The following TRIM58 variants were observed in gnomAD, a reference collection of about 807,000 sequenced individuals.
TRIM58 encodes the protein E3 ubiquitin-protein ligase TRIM58.
Under a neutral mutation model 34.1 loss-of-function variants are expected in TRIM58, and 38 were observed. That is an observed-to-expected ratio of 1.12 (90% CI 0.86 to 1.46). The LOEUF (loss-of-function observed/expected upper bound fraction) is 1.46, where lower values mean the gene tolerates loss of function less well. Among genes scored for constraint, TRIM58 ranks in the 40% most tolerant of loss-of-function variants. TRIM58 has a pLI of 0.00. For synonymous variants in TRIM58, 273 were observed against 275.7 expected (o/e 0.99, Z 0.10); for missense variants, 677 against 642.0 (o/e 1.05, Z -0.59).
At chr1:247,862,458 CAAG>C (rs1196137883) in intron 2 of TRIM58, among the ~76,000 whole-genome samples, 1 of 152,050 alleles carries the variant, frequency 6.6e-6, no homozygotes, top group East Asian at 1.9e-4. Context: ...ATAAAAAGAA[CAAG>C]AACAAAGCTT....
intron 3 of TRIM58, among the ~76,000 whole-genome samples, chr1:247,866,201 C>T (rs1261291553): frequency 6.6e-6 from 1 of 151,914 alleles, no homozygotes; most frequent in East Asian, 1.9e-4. Flanking sequence ...GACAGAGTCT[C>T]GCTCTGTTGC....
rs1659338607 is a variant in TRIM58 at position 247,878,409 on chromosome 1, T to C, written c.*1920T>C. Among the ~76,000 whole-genome samples, 1 of 152,234 alleles carries C rather than the reference T, an allele frequency of 6.6e-6. No individual in the cohort carries two copies. Among genetic ancestry groups the C allele is most frequent in the African/African-American group, 2.4e-5 (1 of 41,460 alleles). On this transcript the variant is annotated 3_prime_UTR_variant, in exon 6 of 6. Transcript: ENST00000366481. ...TTAACTTACCTTCCAATCATATTAC[T>C]AACGTAGCCTTCTTCCTAGATTTTT... is the stretch of plus-strand genomic sequence containing the variant.
rs1441729811 is a variant in TRIM58, at chr1:247,879,688, G to C, written c.*3199G>C. Reference sequence around the variant, plus strand: ...TCCAGCTGCCCTGGCCTCATGGCTGGGTTTCCACCAAAGCAGGCACTTCCC... The same window carrying C: ...TCCAGCTGCCCTGGCCTCATGGCTGCGTTTCCACCAAAGCAGGCACTTCCC... On this transcript the variant is annotated 3_prime_UTR_variant, in exon 6 of 6. Transcript: ENST00000366481. 6.6e-6 allele frequency among the ~76,000 whole-genome samples: 1 copy of C among 151,416 alleles called. No individual in the cohort carries two copies. Among genetic ancestry groups the C allele is most frequent in the Non-Finnish European group, 1.5e-5 (1 of 67,962 alleles).
chr1:247,860,788 C>A, intron 2 of TRIM58, 76 bp downstream of exon 2: 1 of 1,144,918 alleles, frequency 8.7e-7, no homozygotes, highest in Non-Finnish European at 1.3e-6. Flanking sequence ...CTTCTACCAT[C>A]TTCCATTCTC....
At position 247,857,587 on chromosome 1, in the gene TRIM58, T is replaced by C. The variant is rs765903580; in HGVS notation, c.341T>C (p.Leu114Pro). The change falls in exon 1 of 6, where the codon CTG (leucine) becomes CCG (proline). Residue 114 changes from leucine (L) to proline (P), a missense_variant. Physicochemically the swap from Leu to Pro is moderately conservative, Grantham distance 98 (BLOSUM62 -3). Transcript: ENST00000366481. ...TTCTGCGAGGAGGACGAGGCGGCGC[T>C]GTGCTGGGTGTGCGACGCCGGCCCC... ...SRFCEEDEAALCWVCDAGPEH... is the reference protein window; with the variant it reads ...SRFCEEDEAAPCWVCDAGPEH... 1.7e-5 allele frequency: 22 copies of C among 1,259,216 alleles called. No homozygotes were observed. Among genetic ancestry groups the C allele is most frequent in the Admixed American group, 1.3e-4 (3 of 23,972 alleles). 78.0% of individuals were successfully genotyped at this position (1,259,216 alleles called of 1,614,324 possible).
chr1:247,876,180 G>A lies in TRIM58; in HGVS notation c.1152G>A (p.Leu384=). The change falls in exon 6 of 6, where the codon CTG becomes CTA. Residue 384 remains leucine, a synonymous_variant. Coordinates refer to ENST00000366481, the MANE Select transcript of TRIM58 (RefSeq NM_015431.4). ...TPSPENGVWA[L]WLLKGNEYMV... is the part of the protein sequence containing the mutation. ...CTCCTGAGAATGGGGTCTGGGCCCTGTGGCTGCTGAAAGGGAATGAGTACA... is the reference window on the plus strand; with the variant it reads ...CTCCTGAGAATGGGGTCTGGGCCCTATGGCTGCTGAAAGGGAATGAGTACA... 1 of 1,614,238 alleles carries A rather than the reference G, an allele frequency of 6.2e-7. No individual in the cohort carries two copies. The highest frequency in any genetic ancestry group is 8.5e-7 in the Non-Finnish European group (1 of 1,180,040).
rs527286055 is a variant in TRIM58, at chr1:247,863,571, A to G, written c.517-1134A>G. Among the ~76,000 whole-genome samples, 4 of 152,050 alleles carry G rather than the reference A, an allele frequency of 2.6e-5. No individual in the cohort carries two copies. In the South Asian group the frequency reaches 6.2e-4, roughly 24 times the overall value. The stretch of plus-strand genomic sequence containing the variant: ...GATTAAAAAAAAAACCAGGCAAATG[A>G]CTTCACCTACAAGGCCGTATAACAA... On this transcript the variant is annotated intron_variant, in intron 2 of 5. Transcript: ENST00000366481.
intron 1 of TRIM58, among the ~76,000 whole-genome samples, chr1:247,858,350 A>C (rs1000236676): frequency 6.6e-6 from 1 of 152,170 alleles, no homozygotes; most frequent in Non-Finnish European, 1.5e-5. Flanking sequence ...TGGTCCCCAG[A>C]GTGGCATCTG....
At chr1:247,860,769 T>C in intron 2 of TRIM58, 57 bp downstream of exon 2, 1 of 1,356,276 alleles carries the variant, frequency 7.4e-7, no homozygotes, top group Non-Finnish European at 1.1e-6. Flanking sequence ...CAGATTCGGG[T>C]CAGTAATTCT....
chr1:247,860,382 T>G (rs12061136), intron 1 of TRIM58, among the ~76,000 whole-genome samples: 51,186 of 151,864 alleles, frequency 0.34, 9,365 homozygotes, highest in African/African-American at 0.49. Flanking sequence ...GATCATTTGA[T>G]CCCAGGAGTT....
chr1:247,879,055 T>C lies in TRIM58; in HGVS notation c.*2566T>C, dbSNP rs144623443. ...CTCTCCTTTCCTCTGAATGGTAGTCTTTTATATTCAGCTGTCCACTTGACA... is the reference window on the plus strand; with the variant it reads ...CTCTCCTTTCCTCTGAATGGTAGTCCTTTATATTCAGCTGTCCACTTGACA... On this transcript the variant is annotated 3_prime_UTR_variant, in exon 6 of 6. Transcript: ENST00000366481. 6.6e-6 allele frequency among the ~76,000 whole-genome samples: 1 copy of C among 152,332 alleles called. No individual in the cohort carries two copies. The highest frequency in any genetic ancestry group is 1.9e-4 in the East Asian group (1 of 5,192).
rs145971051 is a variant in TRIM58, at chr1:247,876,309, C to A, written c.1281C>A (p.Val427=). The change falls in exon 6 of 6, where the codon GTC becomes GTA. Residue 427 remains valine, a synonymous_variant. Coordinates refer to ENST00000366481, the MANE Select transcript of TRIM58 (RefSeq NM_015431.4). ...CCGGTGAAATTTCATTCTACAATGT[C>A]ACAGATGGATCTTATATCTACACAT... ...YEAGEISFYN[V]TDGSYIYTFN... is the part of the protein sequence containing the mutation. The A allele has an allele frequency of 4.3e-6, 7 of 1,613,968 alleles. No individual in the cohort carries two copies. Among genetic ancestry groups the A allele is most frequent in the Non-Finnish European group, 4.2e-6 (5 of 1,180,022 alleles).
chr1:247,867,277 C>G (rs946682682), intron 3 of TRIM58, among the ~76,000 whole-genome samples: 1 of 152,114 alleles, frequency 6.6e-6, no homozygotes, highest in African/African-American at 2.4e-5. Context: ...TTATCCTGTT[C>G]CGTCTGAATT....
chr1:247,860,007 AT>A (rs1192319969), intron 1 of TRIM58, among the ~76,000 whole-genome samples: 1 of 152,042 alleles, frequency 6.6e-6, no homozygotes, highest in Non-Finnish European at 1.5e-5. Context: ...TTATCATTGT[AT>A]TTCTAGTCAT....
rs368583142 is a variant in TRIM58, at chr1:247,876,527, G to A, written c.*38G>A. ...AAGATGCAGTCCTAGCGTAGCGAACGTTCCTGGAGTGGGGTGAAGGATATC... is the reference window on the plus strand; with the variant it reads ...AAGATGCAGTCCTAGCGTAGCGAACATTCCTGGAGTGGGGTGAAGGATATC... On this transcript the variant is annotated 3_prime_UTR_variant, in exon 6 of 6. Transcript: ENST00000366481. 39 of 1,519,640 alleles carry A rather than the reference G, an allele frequency of 2.6e-5. No individual in the cohort carries two copies. Among genetic ancestry groups the A allele is most frequent in the South Asian group, 7.1e-5 (6 of 84,284 alleles). 94.1% of individuals were successfully genotyped at this position (1,519,640 alleles called of 1,614,324 possible).
Position 247,875,980 on chromosome 1 carries a change from C to T in TRIM58, c.952C>T (p.Pro318Ser). 1.9e-6 allele frequency: 3 copies of T among 1,614,196 alleles called. No individual in the cohort carries two copies. Among genetic ancestry groups the T allele is most frequent in the Non-Finnish European group, 2.5e-6 (3 of 1,180,044 alleles). ...CCTGCGCAGTGTGCAGGATGGAGAA[C>T]CATGGAGGGATGTCCCCAACAACCC... ...ADLRSVQDGEPWRDVPNNPER... is the reference protein window; with the variant it reads ...ADLRSVQDGESWRDVPNNPER... Residue 318 changes from proline to serine, a missense_variant, in exon 6 of 6, where the codon CCA becomes TCA. Physicochemically the swap from Pro to Ser is moderately conservative, Grantham distance 74. Coordinates refer to ENST00000366481, the MANE Select transcript of TRIM58 (RefSeq NM_015431.4).
chr1:247,857,784 C>T (rs951898260), intron 1 of TRIM58, 118 bp downstream of exon 1: 13 of 1,178,702 alleles, frequency 1.1e-5, no homozygotes, highest in Admixed American at 4.5e-5. Context: ...CCGCTCCCCC[C>T]ACCGCGCGCC....
At chr1:247,860,195 G>A (rs917231157) in intron 1 of TRIM58, among the ~76,000 whole-genome samples, 1 of 152,190 alleles carries the variant, frequency 6.6e-6, no homozygotes, top group African/African-American at 2.4e-5. Flanking sequence ...TAGGCCCAGT[G>A]GCTCATGCCT....
chr1:247,865,784 T>C (rs559193970), intron 3 of TRIM58, among the ~76,000 whole-genome samples: 2 of 152,280 alleles, frequency 1.3e-5, no homozygotes, highest in South Asian at 4.1e-4. Context: ...GCAACAGAAA[T>C]TTATCTGGAC....
Sources: allele counts gnomAD v4.1 joint callset (sites outside exome capture counted in the v4.1 genomes callset), GRCh38; gene constraint gnomAD v4.1.1; transcripts MANE v1.5; gene names NCBI Gene and HGNC (gene_info 2026-07-23, HGNC 2026-07-21).